Variants in PADI4 observed in about 807,000 individuals in gnomAD.
The protein encoded by PADI4 is peptidyl arginine deiminase 4.
A neutral mutation model predicts 75.0 loss-of-function variants in PADI4; 62 were observed. That is an observed-to-expected ratio of 0.83 (90% CI 0.67 to 1.02). The LOEUF is 1.02. Ranked by LOEUF, PADI4 falls within the 50% of genes least tolerant of loss-of-function variation. The probability of loss-of-function intolerance (pLI) is 0.00; values close to 1 mark genes in which losing one functional copy is unlikely to be tolerated. For missense variants in PADI4, 845 were observed against 850.5 expected (o/e 0.99, Z 0.08); for synonymous variants, 361 against 348.1 (o/e 1.04, Z -0.41).
chr1:17,357,693 G>C (rs539380384), intron 13 of PADI4, among the ~76,000 whole-genome samples: 4 of 152,090 alleles, frequency 2.6e-5, no homozygotes, highest in Non-Finnish European at 2.9e-5. Flanking sequence ...AGCACTTTGG[G>C]AGGACGAGGC....
At chr1:17,311,603 C>T (rs931895872) in intron 1 of PADI4, among the ~76,000 whole-genome samples, 1 of 152,008 alleles carries the variant, frequency 6.6e-6, no homozygotes, top group African/African-American at 2.4e-5. Context: ...TGGCTCACCG[C>T]AAGCTCCACC....
chr1:17,345,685 C>A (rs1236552612), intron 8 of PADI4, among the ~76,000 whole-genome samples: 1 of 152,188 alleles, frequency 6.6e-6, no homozygotes, highest in African/African-American at 2.4e-5. Context: ...CTTGCCACCG[C>A]CATGTAAGAA....
At chr1:17,309,989 G>T (rs1197897844) in intron 1 of PADI4, among the ~76,000 whole-genome samples, 1 of 152,094 alleles carries the variant, frequency 6.6e-6, no homozygotes, top group Non-Finnish European at 1.5e-5. Flanking sequence ...TGGACAGCTG[G>T]TCAGTGTTGG....
rs866620037 is a variant in PADI4 at position 17,352,036 on chromosome 1, G to T, written c.1156-2497G>T. On this transcript the variant is annotated intron_variant, in intron 10 of 15. Transcript: ENST00000375448. ...GGAGAGGCGGCCAGGGAGGTGATGG[G>T]AGGAGAGGCAGTCAGGGAGGTGATG... is the stretch of plus-strand genomic sequence containing the variant. 4.4e-3 allele frequency among the ~76,000 whole-genome samples: 275 copies of T among 61,938 alleles called. 29 individuals are homozygous for T. Among genetic ancestry groups the T allele is most frequent in the Middle Eastern group, 0.031 (3 of 96 alleles). 40.6% of individuals were successfully genotyped at this position (61,938 alleles called of 152,430 possible).
chr1:17,343,770 G>A (rs2100747481), intron 8 of PADI4, among the ~76,000 whole-genome samples: 1 of 152,306 alleles, frequency 6.6e-6, no homozygotes, highest in Admixed American at 6.5e-5. Context: ...CGCCATGTAA[G>A]AAGTGCCTTT....
At chr1:17,310,923 G>C (rs2477130) in intron 1 of PADI4, among the ~76,000 whole-genome samples, 2 of 151,708 alleles carry the variant, frequency 1.3e-5, no homozygotes, top group Non-Finnish European at 2.9e-5. Flanking sequence ...ATGGTGAAAC[G>C]CCGTCTCTAC....
chr1:17,323,247 CAGGCAGAGAGAG>C (rs56238268), intron 1 of PADI4, among the ~76,000 whole-genome samples: 84,320 of 151,508 alleles, frequency 0.56, 23,632 homozygotes, highest in East Asian at 0.59. Flanking sequence ...AGGCAAGAGA[CAGGCAGAGAGAG>C]AGGCAGAGAG....
chr1:17,355,398 A>G (rs998182965), intron 11 of PADI4, among the ~76,000 whole-genome samples: 22 of 152,244 alleles, frequency 1.4e-4, no homozygotes, highest in African/African-American at 4.6e-4. Flanking sequence ...CTAATGCAAA[A>G]ATTAGCTGGG....
chr1:17,310,160 C>G (rs1016396722), intron 1 of PADI4, among the ~76,000 whole-genome samples: 2 of 152,194 alleles, frequency 1.3e-5, no homozygotes, highest in African/African-American at 4.8e-5. Context: ...TTACATCACA[C>G]TTCCTACATT....
At chr1:17,314,731 C>T (rs1486995751) in intron 1 of PADI4, among the ~76,000 whole-genome samples, 1 of 152,214 alleles carries the variant, frequency 6.6e-6, no homozygotes, top group Non-Finnish European at 1.5e-5. Flanking sequence ...AGGCTGCCTG[C>T]TGCTCCTGGC....
chr1:17,358,656 C>G (rs2074800869), intron 13 of PADI4, among the ~76,000 whole-genome samples, 182 bp from the exon 14 acceptor site: 1 of 151,826 alleles, frequency 6.6e-6, no homozygotes, highest in Admixed American at 6.6e-5. Flanking sequence ...AGAACTTATA[C>G]TGCTAAAATA....
intron 1 of PADI4, among the ~76,000 whole-genome samples, chr1:17,322,494 A>AC (rs1264022385): frequency 1.8e-5 from 2 of 108,228 alleles, no homozygotes; most frequent in Non-Finnish European, 4.1e-5. Context: ...ATCCCCCCCC[A>AC]AAAAAAAAGA....
intron 1 of PADI4, among the ~76,000 whole-genome samples, chr1:17,326,858 C>T (rs770803717): frequency 4.0e-5 from 6 of 149,366 alleles, no homozygotes. Context: ...GTTTTGTCAA[C>T]TTCTTTTCCC....
chr1:17,337,687 G>A (rs1204562626), intron 4 of PADI4, among the ~76,000 whole-genome samples: 3 of 152,108 alleles, frequency 2.0e-5, no homozygotes, highest in African/African-American at 7.2e-5. Context: ...GGAGGCCGAG[G>A]AGGATGGATC....
At position 17,342,154 on chromosome 1, in the gene PADI4, C is replaced by T. The variant is rs371587251; in HGVS notation, c.831+33C>T. Reference sequence around the variant, plus strand: ...GAGAAGGCAGCCCTGCATCGGGGGCCTGGGCTTCCAGGCAGTGGCCTGGCT... The same window carrying T: ...GAGAAGGCAGCCCTGCATCGGGGGCTTGGGCTTCCAGGCAGTGGCCTGGCT... On this transcript the variant is annotated intron_variant, in intron 7 of 15. Coordinates refer to ENST00000375448, the MANE Select transcript of PADI4 (RefSeq NM_012387.3). 128 of 1,603,934 alleles carry T rather than the reference C, an allele frequency of 8.0e-5. No individual in the cohort carries two copies. The African/African-American group carries it at 1.4e-3, about 17-fold the overall frequency.
At chr1:17,328,288 C>T (rs571294831) in intron 1 of PADI4, among the ~76,000 whole-genome samples, 61 of 152,178 alleles carry the variant, frequency 4.0e-4, no homozygotes, top group South Asian at 3.9e-3. Context: ...CCTCCCAAAG[C>T]GCTGGGATTA....
intron 1 of PADI4, among the ~76,000 whole-genome samples, chr1:17,323,726 G>A (rs1442739118): frequency 6.6e-6 from 1 of 152,022 alleles, no homozygotes; most frequent in African/African-American, 2.4e-5. Flanking sequence ...CTGGCTACTT[G>A]GGAGGCTGAG....
rs749696116 is a variant in PADI4 at position 17,308,219 on chromosome 1, G to A, written c.-4G>A. On this transcript the variant is annotated 5_prime_UTR_variant, in exon 1 of 16. Coordinates refer to ENST00000375448, the MANE Select transcript of PADI4 (RefSeq NM_012387.3). ...TACAGCCAGAGGGACGAGCTAGCCC[G>A]ACGATGGCCCAGGGGACATTGATCC... 6.9e-5 allele frequency: 111 copies of A among 1,613,630 alleles called. No homozygotes were observed. In the Admixed American group the frequency reaches 1.1e-3, roughly 16 times the overall value.
In PADI4 at chr1:17,330,953, T is replaced by G. The variant is rs140892389; in HGVS notation, c.93-16T>G. 1.3e-6 allele frequency: 2 copies of G among 1,517,524 alleles called. No individual in the cohort carries two copies. Among genetic ancestry groups the G allele is most frequent in the Non-Finnish European group, 1.8e-6 (2 of 1,136,044 alleles). 94.0% of individuals were successfully genotyped at this position (1,517,524 alleles called of 1,614,324 possible). A position where few individuals can be genotyped will look rare whatever the true frequency, so the allele number is the denominator to read the frequency against. ...CCTCACTGCATCCTCTGCTTTCCCA[T>G]GTGTCTTGTCCACAGCTCTGCCCCT... On this transcript the variant is annotated splice_polypyrimidine_tract_variant and intron_variant, in intron 1 of 15. Transcript: ENST00000375448.
Sources: allele counts gnomAD v4.1 joint callset (sites outside exome capture counted in the v4.1 genomes callset), GRCh38; gene constraint gnomAD v4.1.1; transcripts MANE v1.5; gene names NCBI Gene and HGNC (gene_info 2026-07-23, HGNC 2026-07-21).